MCM3: variants seen among roughly 807,000 people sequenced by gnomAD.
The protein encoded by MCM3 is DNA replication licensing factor MCM3.
A neutral mutation model predicts 91.3 loss-of-function variants in MCM3; 59 were observed. The ratio of observed to expected loss-of-function variants is 0.65; its 90% CI spans 0.52 to 0.80. The LOEUF (loss-of-function observed/expected upper bound fraction) is 0.80. Ranked by LOEUF, MCM3 falls within the 30% of genes least tolerant of loss-of-function variation. The pLI, the probability that MCM3 is intolerant of heterozygous loss-of-function variation, is 0.00. For missense variants in MCM3, 919 were observed against 1,035.4 expected, an observed-to-expected ratio of 0.89 and a Z score of 1.54; for synonymous variants, 383 against 379.6, an observed-to-expected ratio of 1.01 and a Z score of -0.10.
At chr6:52,282,542 C>T in intron 3 of MCM3, 111 bp downstream of exon 3, 1 of 945,210 alleles carries the variant, frequency 1.1e-6, no homozygotes, top group Non-Finnish European at 1.6e-6. Context: ...CACGTAATTC[C>T]AATGCTCCAC....
At chr6:52,270,956 T>A (rs1765082666) in intron 12 of MCM3, among the ~76,000 whole-genome samples, 1 of 152,188 alleles carries the variant, frequency 6.6e-6, no homozygotes, top group Admixed American at 6.5e-5. Context: ...CTCATGCCTA[T>A]AATCCCAGCA....
At chr6:52,266,886 C>G (rs564206442) in intron 14 of MCM3, among the ~76,000 whole-genome samples, 190 bp from the exon 15 acceptor site, 1 of 152,292 alleles carries the variant, frequency 6.6e-6, no homozygotes, top group South Asian at 2.1e-4. Context: ...AGAACACAAA[C>G]AGGCGCTGCT....
At position 52,277,161 on chromosome 6, in the gene MCM3, A is replaced by G. The variant is rs770923814; in HGVS notation, c.1071T>C (p.Tyr357=). 10 of 1,613,848 alleles carry G rather than the reference A, an allele frequency of 6.2e-6. No homozygotes were observed. Among genetic ancestry groups the G allele is most frequent in the Middle Eastern group, 1.7e-4 (1 of 5,864 alleles). ...PSVAKSQLLR[Y]VLCTAPRAIP... is the part of the protein sequence containing the mutation. ...TAGCTCGGGGTGCAGTGCAAAGCAC[A>G]TACCGCAGAAGCTGAGACTTGGCAA... is the stretch of plus-strand genomic sequence containing the variant. Residue 357 remains tyrosine (Y), a synonymous_variant, in exon 8 of 17, where the codon TAT becomes TAC. Transcript: ENST00000596288.
intron 1 of MCM3, 54 bp downstream of exon 1, chr6:52,284,543 C>G: frequency 6.6e-7 from 1 of 1,521,052 alleles, no homozygotes; most frequent in African/African-American, 1.4e-5. Flanking sequence ...CCCGGCCGGG[C>G]CGCGTCCGCA....
chr6:52,273,097 A>C, intron 11 of MCM3, 133 bp downstream of exon 11: 1 of 1,003,856 alleles, frequency 1.0e-6, no homozygotes, highest in Non-Finnish European at 1.5e-6. Flanking sequence ...GAAGAAAATT[A>C]ATCCACGTGG....
In MCM3 at chr6:52,278,739, G is replaced by T; in HGVS notation, c.879+3C>A. On this transcript the variant is annotated splice_donor_region_variant and intron_variant, in intron 6 of 16. Coordinates refer to ENST00000596288, the MANE Select transcript of MCM3 (RefSeq NM_002388.6). ...CCCTCAAATTTCTAAAGGATGCCCA[G>T]ACCTTGGATCGGGTTTTACTGAACT... 1.2e-6 allele frequency: 2 copies of T among 1,606,436 alleles called. No individual in the cohort carries two copies. Among genetic ancestry groups the T allele is most frequent in the South Asian group, 1.1e-5 (1 of 90,342 alleles).
intron 12 of MCM3, among the ~76,000 whole-genome samples, chr6:52,270,526 T>C (rs1161425436): frequency 6.6e-6 from 1 of 152,172 alleles, no homozygotes; most frequent in Non-Finnish European, 1.5e-5. Context: ...CTTGTAATAA[T>C]TTAGAAAGCT....
chr6:52,281,151 C>G (rs1036151525), intron 4 of MCM3, among the ~76,000 whole-genome samples: 3 of 152,142 alleles, frequency 2.0e-5, no homozygotes, highest in African/African-American at 7.2e-5. Context: ...TTGCATTGTC[C>G]TCAATCCAGA....
At position 52,277,142 on chromosome 6, in the gene MCM3, G is replaced by A. The variant is rs769266579; in HGVS notation, c.1090C>T (p.Arg364Ter). 16 of 1,614,020 alleles carry A rather than the reference G, an allele frequency of 9.9e-6. No individual in the cohort carries two copies. Among genetic ancestry groups the A allele is most frequent in the African/African-American group, 4.0e-5 (3 of 75,044 alleles). The change falls in exon 8 of 17, where the codon CGA becomes TGA. Residue 364 changes from arginine (R) to a stop codon, truncating the protein, a stop_gained. Transcript: ENST00000596288. LOFTEE classifies it high-confidence loss of function. ...LLRYVLCTAP[R>*]AIPTTGRGSS... ...CCCCGGCCAGTGGTGGGGATAGCTCGGGGTGCAGTGCAAAGCACATACCGC... is the reference window on the plus strand; with the variant it reads ...CCCCGGCCAGTGGTGGGGATAGCTCAGGGTGCAGTGCAAAGCACATACCGC...
At chr6:52,272,558 C>T in intron 11 of MCM3, 107 bp from the exon 12 acceptor site, 1 of 1,200,138 alleles carries the variant, frequency 8.3e-7, no homozygotes, top group African/African-American at 1.5e-5. Context: ...AGCCTAGAAC[C>T]CATTATCATA....
chr6:52,278,659 A>G (rs1765793785), intron 6 of MCM3, 83 bp downstream of exon 6: 1 of 867,410 alleles, frequency 1.2e-6, no homozygotes, highest in South Asian at 1.7e-5. Flanking sequence ...CTTCCTTCTG[A>G]TCTAGTACAA....
intron 4 of MCM3, among the ~76,000 whole-genome samples, chr6:52,281,831 G>A (rs970318130): frequency 3.9e-5 from 6 of 152,134 alleles, no homozygotes; most frequent in Non-Finnish European, 8.8e-5. Flanking sequence ...GGCAACATAG[G>A]AGAACCTCAT....
chr6:52,272,203 C>T (rs1765189540), intron 12 of MCM3, 98 bp downstream of exon 12: 1 of 1,316,830 alleles, frequency 7.6e-7, no homozygotes, highest in East Asian at 2.4e-5. Flanking sequence ...GGAAAAAAGT[C>T]ACTAAGTTAA....
intron 8 of MCM3, among the ~76,000 whole-genome samples, chr6:52,276,696 A>G (rs1466874568): frequency 1.3e-5 from 2 of 152,150 alleles, no homozygotes; most frequent in East Asian, 3.9e-4. Context: ...ACCCCTAAGT[A>G]ACTAGCTTCT....
intron 10 of MCM3, 151 bp from the exon 11 acceptor site, chr6:52,273,507 G>A (rs1486284696): frequency 2.3e-6 from 2 of 861,326 alleles, no homozygotes; most frequent in African/African-American, 1.7e-5. Context: ...AATAAAGATA[G>A]TGGAACTGCC....
chr6:52,279,305 T>C (rs927004462), intron 5 of MCM3, 56 bp downstream of exon 5: 1 of 1,433,220 alleles, frequency 7.0e-7, no homozygotes, highest in African/African-American at 1.4e-5. Flanking sequence ...GAAAGGATAT[T>C]ACCAGAAATG....
intron 14 of MCM3, 69 bp from the exon 15 acceptor site, chr6:52,266,765 G>A (rs778844037): frequency 3.0e-5 from 35 of 1,186,330 alleles, no homozygotes; most frequent in Admixed American, 8.4e-5. Flanking sequence ...GCCCCATCAC[G>A]TGCCTCTAAC....
At position 52,276,320 on chromosome 6, in the gene MCM3, C is replaced by T. The variant is rs748488798; in HGVS notation, c.1322G>A (p.Arg441Gln). 3.1e-6 allele frequency: 5 copies of T among 1,613,120 alleles called. No individual in the cohort carries two copies. The highest frequency in any genetic ancestry group is 1.3e-5 in the African/African-American group (1 of 74,896). Residue 441 changes from arginine to glutamine, a missense_variant, in exon 9 of 17, where the codon CGG becomes CAG. By Grantham distance (43) the Arg-to-Gln change is conservative. Transcript: ENST00000596288. ...CAAAACACTGCAGCGGGCATTCAGCCGAGCATGGATGCCAGCCTTGGCAAT... is the reference window on the plus strand; with the variant it reads ...CAAAACACTGCAGCGGGCATTCAGCTGAGCATGGATGCCAGCCTTGGCAAT... ...VTIAKAGIHA[R>Q]LNARCSVLAA...
chr6:52,264,746 C>T lies in MCM3; in HGVS notation c.2269G>A (p.Glu757Lys), dbSNP rs1764505375. 2 of 1,614,094 alleles carry T rather than the reference C, an allele frequency of 1.2e-6. No individual in the cohort carries two copies. Among genetic ancestry groups the T allele is most frequent in the Non-Finnish European group, 8.5e-7 (1 of 1,180,040 alleles). ...ATGCCGATTGACTGCGCATGAGCTT[C>T]CCGGAACACATCCAAGAGGGCCACC... ...FKVALLDVFR[E>K]AHAQSIGMNR... The change falls in exon 17 of 17, where the codon GAA becomes AAA. Residue 757 changes from glutamate (E) to lysine (K), a missense_variant. Physicochemically the swap from Glu to Lys is moderately conservative, Grantham distance 56. Transcript: ENST00000596288.
Sources: gnomAD v4.1 joint callset for allele counts (sites outside exome capture counted in the v4.1 genomes callset) on GRCh38, gnomAD v4.1.1 for gene constraint, MANE v1.5 for transcripts, NCBI Gene and HGNC (gene_info 2026-07-23, HGNC 2026-07-21) for gene names.